The following PKP4 variants were observed in gnomAD, a reference collection of about 807,000 sequenced individuals.
PKP4 encodes plakophilin-4.
In PKP4, 90 loss-of-function variants were observed where a neutral mutation model predicts 145.1. The ratio of observed to expected loss-of-function variants is 0.62; its 90% CI spans 0.52 to 0.74. The LOEUF is 0.74. Among genes scored for constraint, PKP4 ranks in the 30% least tolerant of loss-of-function variants. The pLI is 0.00. For missense variants in PKP4, 1,340 were observed against 1,482.7 expected (o/e 0.90, Z 1.58); for synonymous variants, 563 against 577.2 (o/e 0.98, Z 0.35).
chr2:158,589,079 C>A (rs1182327388), intron 3 of PKP4: 4 of 152,138 alleles, frequency 2.6e-5, no homozygotes, highest in African/African-American at 7.2e-5. Flanking sequence ...GATGCCTTAC[C>A]TTGGTATCTT....
chr2:158,459,772 C>T (rs960480560), intron 1 of PKP4, among the ~76,000 whole-genome samples: 7 of 149,346 alleles, frequency 4.7e-5, no homozygotes, highest in African/African-American at 1.5e-4. Context: ...ATTGAAAACC[C>T]TGTTCAGATG....
chr2:158,559,888 G>A (rs1169168395), intron 2 of PKP4, among the ~76,000 whole-genome samples: 1 of 151,138 alleles, frequency 6.6e-6, no homozygotes, highest in African/African-American at 2.4e-5. Flanking sequence ...TTTTTTTGAG[G>A]CAGAGTCTCA....
intron 1 of PKP4, among the ~76,000 whole-genome samples, chr2:158,467,996 A>G (rs368253247): frequency 2.0e-5 from 3 of 152,232 alleles, no homozygotes; most frequent in African/African-American, 7.2e-5. Flanking sequence ...TAGCCAAGTA[A>G]TATTCCATAA....
At chr2:158,549,084 A>G in intron 2 of PKP4, 1 of 191,352 alleles carries the variant, frequency 5.2e-6, no homozygotes. Context: ...GCTGGTGGAA[A>G]CTATCAGGAC....
At chr2:158,627,713 T>C (rs1458983920) in intron 7 of PKP4, among the ~76,000 whole-genome samples, 1 of 150,924 alleles carries the variant, frequency 6.6e-6, no homozygotes. Flanking sequence ...AAGAAAACTT[T>C]TGAGGAGATA....
chr2:158,616,514 C>G (rs1294082985), intron 4 of PKP4, among the ~76,000 whole-genome samples: 1 of 152,036 alleles, frequency 6.6e-6, no homozygotes, highest in African/African-American at 2.4e-5. Context: ...CTGGGTATGA[C>G]AGCCTAACCT....
At chr2:158,569,959 G>A (rs1295230347) in intron 2 of PKP4, among the ~76,000 whole-genome samples, 1 of 152,156 alleles carries the variant, frequency 6.6e-6, no homozygotes, top group Non-Finnish European at 1.5e-5. Flanking sequence ...CTCAGTTTGA[G>A]AAACATAATT....
intron 15 of PKP4, among the ~76,000 whole-genome samples, chr2:158,665,245 G>A (rs1024978219): frequency 6.6e-6 from 1 of 152,216 alleles, no homozygotes; most frequent in African/African-American, 2.4e-5. Flanking sequence ...AGATGGTTCT[G>A]TTGTTGCAGG....
rs374400111 is a variant in PKP4 at position 158,666,440 on chromosome 2, C to T, written c.2605C>T (p.Arg869Ter). The T allele has an allele frequency of 1.9e-6, 3 of 1,606,060 alleles. No individual in the cohort carries two copies. Among genetic ancestry groups the T allele is most frequent in the Non-Finnish European group, 2.5e-6 (3 of 1,177,562 alleles). Residue 869 changes from arginine to a stop codon, truncating the protein, a stop_gained, in exon 16 of 22, where the codon CGA (arginine) becomes TGA (stop). Coordinates refer to ENST00000389759, the MANE Select transcript of PKP4 (RefSeq NM_003628.6). LOFTEE classifies it high-confidence loss of function. ...TGCAGCATATATCCGGGCGGCCGTCCGAAAAGAAAAGGGGCTCCCCATCCT... is the reference window on the plus strand; with the variant it reads ...TGCAGCATATATCCGGGCGGCCGTCTGAAAAGAAAAGGGGCTCCCCATCCT... The part of the protein sequence containing the change: ...KFAAYIRAAV[R>*]KEKGLPILVE...
intron 2 of PKP4, among the ~76,000 whole-genome samples, chr2:158,537,329 C>T (rs949937255): frequency 3.3e-5 from 5 of 152,130 alleles, no homozygotes; most frequent in African/African-American, 1.2e-4. Context: ...TTTCATCTCC[C>T]GTCTGTCCAA....
chr2:158,567,048 G>C (rs899547726), intron 2 of PKP4, among the ~76,000 whole-genome samples: 1 of 152,168 alleles, frequency 6.6e-6, no homozygotes, highest in Non-Finnish European at 1.5e-5. Context: ...AGGGAGGAAG[G>C]GGAGGCTGTA....
chr2:158,654,402 T>C (rs2055705867), intron 11 of PKP4, among the ~76,000 whole-genome samples: 1 of 152,254 alleles, frequency 6.6e-6, no homozygotes, highest in Admixed American at 6.5e-5. Context: ...GCTAGTGTTA[T>C]GATCAATAAG....
intron 1 of PKP4, among the ~76,000 whole-genome samples, chr2:158,517,391 G>A (rs2042018732): frequency 6.6e-6 from 1 of 151,988 alleles, no homozygotes; most frequent in Non-Finnish European, 1.5e-5. Flanking sequence ...CATTCCTGTT[G>A]AAACTCTTTT....
Position 158,673,376 on chromosome 2 carries a change from T to A in PKP4, c.2925-301T>A, listed in dbSNP as rs1548635. On this transcript the variant is annotated intron_variant, in intron 17 of 21. Coordinates refer to ENST00000389759, the MANE Select transcript of PKP4 (RefSeq NM_003628.6). ...GAGATCAGTGGCCCTCAGTAAAGAT[T>A]CGGAGGGAGGTTGGGACTGACACCT... Among the ~76,000 whole-genome samples, 91,213 of 152,072 alleles carry A rather than the reference T, an allele frequency of 0.6. 28,006 individuals carry two copies. The highest frequency in any genetic ancestry group is 0.78 in the East Asian group (4,045 of 5,170).
intron 1 of PKP4, among the ~76,000 whole-genome samples, chr2:158,487,669 C>G (rs1029921694): frequency 1.5e-4 from 23 of 152,090 alleles, no homozygotes; most frequent in Non-Finnish European, 4.4e-5. Context: ...AAATACTATT[C>G]CACACTTTTT....
At chr2:158,589,638 T>C (rs967935255) in intron 3 of PKP4, among the ~76,000 whole-genome samples, 3 of 152,202 alleles carry the variant, frequency 2.0e-5, no homozygotes, top group Admixed American at 1.3e-4. Context: ...TTTAAAAATA[T>C]ATTGTCTGTT....
intron 3 of PKP4, among the ~76,000 whole-genome samples, chr2:158,582,652 T>A (rs1250383769): frequency 6.6e-6 from 1 of 152,208 alleles, no homozygotes; most frequent in Non-Finnish European, 1.5e-5. Context: ...GTTTCTCCCG[T>A]GTGTCCCCAT....
At chr2:158,516,926 G>A (rs1371474970) in intron 1 of PKP4, among the ~76,000 whole-genome samples, 9 of 152,086 alleles carry the variant, frequency 5.9e-5, no homozygotes. Context: ...CTCCCAAAGT[G>A]CTGAGAGTAC....
At chr2:158,561,112 G>A (rs539576084) in intron 2 of PKP4, among the ~76,000 whole-genome samples, 14 of 152,286 alleles carry the variant, frequency 9.2e-5, no homozygotes, top group African/African-American at 2.9e-4. Flanking sequence ...AAAATTAGAT[G>A]AAATCAAATT....
Sources: gnomAD v4.1 joint callset for allele counts (sites outside exome capture counted in the v4.1 genomes callset) on GRCh38, gnomAD v4.1.1 for gene constraint, MANE v1.5 for transcripts, NCBI Gene and HGNC (gene_info 2026-07-23, HGNC 2026-07-21) for gene names.